CHRM3: variants seen among roughly 807,000 people sequenced by gnomAD.
The protein encoded by CHRM3 is muscarinic acetylcholine receptor M3.
CHRM3 carries 11 observed loss-of-function variants against 41.8 expected under a neutral mutation model. The ratio of observed to expected loss-of-function variants is 0.26; its 90% CI spans 0.17 to 0.44. CHRM3 has a LOEUF of 0.44. Among genes scored for constraint, CHRM3 ranks in the 20% least tolerant of loss-of-function variants. The probability of loss-of-function intolerance (pLI) is 1.00; values close to 1 mark genes in which losing one functional copy is unlikely to be tolerated. For missense variants in CHRM3, 571 were observed against 745.4 expected, an observed-to-expected ratio of 0.77 and a Z score of 2.72; for synonymous variants, 297 against 301.4, an observed-to-expected ratio of 0.99 and a Z score of 0.15.
intron 6 of CHRM3, among the ~76,000 whole-genome samples, chr1:239,831,968 G>C (rs1011836593): frequency 6.6e-6 from 1 of 152,220 alleles, no homozygotes; most frequent in Admixed American, 6.5e-5. Context: ...TGCTTTATCT[G>C]TGTATTTACT....
chr1:239,608,235 C>T (rs1418903224), intron 3 of CHRM3, among the ~76,000 whole-genome samples: 1 of 152,118 alleles, frequency 6.6e-6, no homozygotes, highest in African/African-American at 2.4e-5. Flanking sequence ...AAATTCCTTT[C>T]TCATTGGCTG....
At chr1:239,521,880 A>G (rs868706849) in intron 2 of CHRM3, among the ~76,000 whole-genome samples, 2 of 152,222 alleles carry the variant, frequency 1.3e-5, no homozygotes, top group East Asian at 1.9e-4. Flanking sequence ...GAGATGATTT[A>G]AGATACATGG....
intron 6 of CHRM3, among the ~76,000 whole-genome samples, chr1:239,896,206 T>C (rs962143225): frequency 6.6e-6 from 1 of 152,196 alleles, no homozygotes; most frequent in Non-Finnish European, 1.5e-5. Flanking sequence ...CTCTTCCCTC[T>C]GTTTGGAATG....
At chr1:239,633,613 T>A (rs1330759607) in intron 4 of CHRM3, among the ~76,000 whole-genome samples, 1 of 152,204 alleles carries the variant, frequency 6.6e-6, no homozygotes, top group Admixed American at 6.5e-5. Context: ...CTACAGCCAA[T>A]GAGCTCTCAG....
chr1:239,553,948 GCATGAT>G (rs1660104526), intron 3 of CHRM3, among the ~76,000 whole-genome samples: 1 of 152,090 alleles, frequency 6.6e-6, no homozygotes, highest in Non-Finnish European at 1.5e-5. Context: ...GAGTGCAGTG[GCATGAT>G]CTCGGTTCAG....
intron 5 of CHRM3, among the ~76,000 whole-genome samples, chr1:239,717,759 C>T (rs752837055): frequency 2.8e-4 from 43 of 152,160 alleles, no homozygotes; most frequent in Middle Eastern, 3.4e-3. Flanking sequence ...TCCCTCATTT[C>T]GGTTCTATCC....
intron 4 of CHRM3, among the ~76,000 whole-genome samples, chr1:239,649,825 G>A (rs1558419433): frequency 1.3e-5 from 2 of 152,154 alleles, no homozygotes; most frequent in Admixed American, 1.3e-4. Context: ...AAGAGATAAG[G>A]ATAATCAGAA....
intron 3 of CHRM3, among the ~76,000 whole-genome samples, chr1:239,577,956 G>A (rs1171115945): frequency 1.3e-5 from 2 of 152,068 alleles, no homozygotes; most frequent in Admixed American, 1.3e-4. Context: ...CGTATTAATG[G>A]GAAGACATTA....
chr1:239,722,154 A>G (rs531507945), intron 5 of CHRM3, among the ~76,000 whole-genome samples: 80 of 152,056 alleles, frequency 5.3e-4, no homozygotes, highest in African/African-American at 1.8e-3. Context: ...CTGTGAAGCA[A>G]TGTAACTGCT....
intron 5 of CHRM3, among the ~76,000 whole-genome samples, chr1:239,777,049 T>C (rs1668146922): frequency 6.6e-6 from 1 of 152,162 alleles, no homozygotes; most frequent in African/African-American, 2.4e-5. Flanking sequence ...ATATCAATAG[T>C]ATATCCTTTA....
intron 3 of CHRM3, among the ~76,000 whole-genome samples, chr1:239,618,959 G>A (rs1361148396): frequency 1.3e-5 from 2 of 150,988 alleles, no homozygotes; most frequent in African/African-American, 4.9e-5. Context: ...CTGTCGCCCA[G>A]GCTGGAGTGC....
chr1:239,746,728 G>A (rs61834845), intron 5 of CHRM3, among the ~76,000 whole-genome samples: 6,394 of 151,926 alleles, frequency 0.042, 222 homozygotes, highest in African/African-American at 0.081. Context: ...AGCCTTACCA[G>A]ATATTTGCCT....
Position 239,650,451 on chromosome 1 carries a change from G to C in CHRM3, c.-250+18165G>C, listed in dbSNP as rs567508158. 2.0e-5 allele frequency among the ~76,000 whole-genome samples: 3 copies of C among 152,274 alleles called. No individual in the cohort carries two copies. The South Asian group carries it at 6.2e-4, about 32-fold the overall frequency. On this transcript the variant is annotated intron_variant, in intron 4 of 6. Coordinates refer to ENST00000676153, the MANE Select transcript of CHRM3 (RefSeq NM_001375978.1). ...TCAAGCTCCTAACACACAGTAAACA[G>C]AGTAAAGGGGAAAAAAGAAGTGTGA...
chr1:239,477,505 G>T (rs1354254434), intron 1 of CHRM3, among the ~76,000 whole-genome samples: 1 of 152,206 alleles, frequency 6.6e-6, no homozygotes, highest in East Asian at 1.9e-4. Flanking sequence ...TGATCTCAGA[G>T]AAGCAGCAAG....
At chr1:239,410,058 T>A (rs969360093) in intron 1 of CHRM3, among the ~76,000 whole-genome samples, 1 of 152,248 alleles carries the variant, frequency 6.6e-6, no homozygotes, top group African/African-American at 2.4e-5. Context: ...AGTCTCGATT[T>A]AAAGTTATCT....
rs373586245 is a variant in CHRM3 at position 239,445,037 on chromosome 1, G to A, written c.-520-47672G>A. On this transcript the variant is annotated intron_variant, in intron 1 of 6. Transcript: ENST00000676153. ...GTGGGCCACTGGATTTGGCAACAAT[G>A]AGGTTATTGGTGTGGGAGGAATTAT... Among the ~76,000 whole-genome samples the A allele has an allele frequency of 2.4e-3, 372 of 152,322 alleles. 2 individuals carry two copies. Among genetic ancestry groups the A allele is most frequent in the South Asian group, 6.0e-3 (29 of 4,824 alleles).
chr1:239,869,497 G>C (rs1213476590), intron 6 of CHRM3, among the ~76,000 whole-genome samples: 1 of 152,084 alleles, frequency 6.6e-6, no homozygotes, highest in Admixed American at 6.5e-5. Flanking sequence ...CCCTGGTGGA[G>C]GTAAGCCTTA....
chr1:239,517,389 A>C (rs1669343367), intron 2 of CHRM3, among the ~76,000 whole-genome samples: 11 of 152,214 alleles, frequency 7.2e-5, no homozygotes, highest in Admixed American at 5.9e-4. Context: ...CACAGCAGAT[A>C]TGTGACAAAG....
At chr1:239,702,639 C>G (rs757095179) in intron 5 of CHRM3, among the ~76,000 whole-genome samples, 2 of 152,242 alleles carry the variant, frequency 1.3e-5, no homozygotes, top group Admixed American at 1.3e-4. Flanking sequence ...CAGAGTCTCA[C>G]TCTGTTGCCC....
Sources: allele counts gnomAD v4.1 joint callset (sites outside exome capture counted in the v4.1 genomes callset), GRCh38; gene constraint gnomAD v4.1.1; transcripts MANE v1.5; gene names NCBI Gene and HGNC (gene_info 2026-07-23, HGNC 2026-07-21).